SPATC1L: variants seen among roughly 807,000 people sequenced by gnomAD.
The protein encoded by SPATC1L is speriolin-like protein.
SPATC1L carries 20 observed loss-of-function variants against 21.2 expected under a neutral mutation model. The ratio of observed to expected loss-of-function variants is 0.94; its 90% confidence interval spans 0.66 to 1.37. The LOEUF is 1.37. SPATC1L is among the 40% of genes most tolerant of loss of function. SPATC1L has a pLI of 0.00. For synonymous variants in SPATC1L, 290 were observed against 234.5 expected (o/e 1.24, Z -2.16); for missense variants, 499 against 478.7 (o/e 1.04, Z -0.40).
chr21:46,171,939 GAAAA>G (rs66628257), intron 2 of SPATC1L, among the ~76,000 whole-genome samples: 19 of 67,820 alleles, frequency 2.8e-4, no homozygotes, highest in Admixed American at 5.3e-4. Flanking sequence ...ATAACCCCCA[GAAAA>G]AAAAAAAAAA....
chr21:46,174,531 G>T (rs1030168397), intron 2 of SPATC1L, among the ~76,000 whole-genome samples: 1 of 152,032 alleles, frequency 6.6e-6, no homozygotes, highest in African/African-American at 2.4e-5. Flanking sequence ...TGACAAAACA[G>T]ATTTTAAACC....
rs904478438 is a variant in SPATC1L, at chr21:46,178,966, C to T, written c.193+3658G>A. On this transcript the variant is annotated intron_variant, in intron 2 of 4. Transcript: ENST00000291672. The stretch of plus-strand genomic sequence containing the variant: ...TTTTTTAAAAATAAATCCAGCTGGA[C>T]AGTGGCTCAAGCCTGTAATCCCAAT... 3.3e-5 allele frequency among the ~76,000 whole-genome samples: 5 copies of T among 151,862 alleles called. No individual in the cohort carries two copies. The East Asian group carries it at 7.7e-4, about 23-fold the overall frequency.
chr21:46,173,929 G>A (rs1354416685), intron 2 of SPATC1L, among the ~76,000 whole-genome samples: 2 of 152,200 alleles, frequency 1.3e-5, no homozygotes, highest in South Asian at 2.1e-4. Flanking sequence ...CCCAGAGCTA[G>A]AGCATGCAGA....
intron 2 of SPATC1L, among the ~76,000 whole-genome samples, chr21:46,178,115 C>T (rs1395338237): frequency 6.6e-6 from 1 of 151,852 alleles, no homozygotes; most frequent in Non-Finnish European, 1.5e-5. Context: ...GCCTGTAATC[C>T]CAGCTACTTG....
intron 2 of SPATC1L, among the ~76,000 whole-genome samples, chr21:46,182,283 C>A (rs540754974): frequency 6.6e-6 from 1 of 152,338 alleles, no homozygotes; most frequent in African/African-American, 2.4e-5. Flanking sequence ...AACTGCCAGC[C>A]AGGACCAGCC....
Position 46,161,269 on chromosome 21 carries a change from C to A in SPATC1L, c.*110G>T. On this transcript the variant is annotated 3_prime_UTR_variant, in exon 5 of 5. Coordinates refer to ENST00000291672, the MANE Select transcript of SPATC1L (RefSeq NM_001142854.2). ...GGGAGCGGGGCCTTCTCTGGCCTCG[C>A]GCGCGGGGGACGCGGCCCTTTCCCC... is the stretch of plus-strand genomic sequence containing the variant. The A allele has an allele frequency of 1.8e-6, 2 of 1,108,376 alleles. No homozygotes were observed. The highest frequency in any genetic ancestry group is 2.4e-6 in the Non-Finnish European group (2 of 822,402). The allele number at this position is 1,108,376 out of a possible 1,614,324, so 68.7% of individuals were successfully genotyped here.
At chr21:46,178,256 AC>A (rs377411149) in intron 2 of SPATC1L, among the ~76,000 whole-genome samples, 2,143 of 147,900 alleles carry the variant, frequency 0.014, 36 homozygotes, top group Non-Finnish European at 0.021. Flanking sequence ...AAAAAAAAAA[AC>A]CAGAATGAGA....
intron 2 of SPATC1L, among the ~76,000 whole-genome samples, chr21:46,169,341 G>A (rs1360134379): frequency 8.5e-6 from 1 of 117,890 alleles, no homozygotes; most frequent in Admixed American, 7.7e-5. Context: ...AGCATCCTCT[G>A]TGGATGGGGA....
chr21:46,173,133 T>C (rs1295013615), intron 2 of SPATC1L, among the ~76,000 whole-genome samples: 1 of 152,174 alleles, frequency 6.6e-6, no homozygotes, highest in African/African-American at 2.4e-5. Context: ...ACAGGAGACT[T>C]TGGACCTAGG....
chr21:46,172,535 T>A (rs1267862012), intron 2 of SPATC1L, among the ~76,000 whole-genome samples: 1 of 152,238 alleles, frequency 6.6e-6, no homozygotes. Flanking sequence ...TCTGGGCAGA[T>A]GGGACCGTTG....
chr21:46,168,637 G>A lies in SPATC1L; in HGVS notation c.215C>T (p.Thr72Met), dbSNP rs1206125393. 1.6e-5 allele frequency: 22 copies of A among 1,383,230 alleles called. No individual in the cohort carries two copies. Among genetic ancestry groups the A allele is most frequent in the Admixed American group, 1.2e-4 (4 of 33,860 alleles). 85.7% of individuals were successfully genotyped at this position (1,383,230 alleles called of 1,614,324 possible). Residue 72 changes from threonine to methionine, a missense_variant, in exon 3 of 5, where the codon ACG becomes ATG. Transcript: ENST00000291672. ...GSGVPDFGRF[T>M]SVADTPSQLQ... ...TTGGGAGGGCGTGTCGGCAACACTC[G>A]TGAACCTTCCGAAATCTGGAACTGA...
chr21:46,181,496 A>C (rs533638479), intron 2 of SPATC1L, among the ~76,000 whole-genome samples: 1 of 152,288 alleles, frequency 6.6e-6, no homozygotes, highest in East Asian at 1.9e-4. Context: ...AGGCTTGTCC[A>C]TGGAGCTCCG....
chr21:46,181,217 C>T (rs2079670203), intron 2 of SPATC1L, among the ~76,000 whole-genome samples: 1 of 152,206 alleles, frequency 6.6e-6, no homozygotes, highest in African/African-American at 2.4e-5. Context: ...GGACCCTGCA[C>T]GTGGCCCAGC....
Position 46,168,395 on chromosome 21 carries a change from T to G in SPATC1L, c.457A>C (p.Arg153=). The part of the protein sequence containing the change: ...SLVDKTLLEP[R]EMVRPKKVCF... ...ACCTTCTTAGGCCGGACCATCTCCC[T>G]GGGCTCCAGCAGGGTCTTGTCCACC... The change falls in exon 3 of 5, where the codon AGG becomes CGG. Residue 153 remains arginine (R), a synonymous_variant. Coordinates refer to ENST00000291672, the MANE Select transcript of SPATC1L (RefSeq NM_001142854.2). The G allele has an allele frequency of 3.1e-6, 5 of 1,612,928 alleles. No homozygotes were observed. Among genetic ancestry groups the G allele is most frequent in the Non-Finnish European group, 3.4e-6 (4 of 1,179,190 alleles).
At chr21:46,176,377 GA>G (rs1368823683) in intron 2 of SPATC1L, among the ~76,000 whole-genome samples, 3 of 152,112 alleles carry the variant, frequency 2.0e-5, no homozygotes, top group Admixed American at 2.0e-4. Flanking sequence ...CTTATATCTA[GA>G]AAATCCCATA....
chr21:46,176,496 CAA>C (rs1412634855), intron 2 of SPATC1L, among the ~76,000 whole-genome samples: 1 of 152,156 alleles, frequency 6.6e-6, no homozygotes, highest in East Asian at 1.9e-4. Context: ...ACAATCAAGA[CAA>C]GAGCCAAATC....
At chr21:46,182,525 T>C in intron 2 of SPATC1L, 99 bp downstream of exon 2, 1 of 1,161,700 alleles carries the variant, frequency 8.6e-7, no homozygotes, top group Non-Finnish European at 1.2e-6. Context: ...GCCCGTGACC[T>C]CCCGCATCAG....
In SPATC1L at chr21:46,182,639, A is replaced by T. The variant is rs2123658856; in HGVS notation, c.178T>A (p.Ser60Thr). ...GGCGCCTCACCTCCGCTCCCGGGGG[A>T]GCCGGCCTCAGGGTAGGCATGCGCC... ...PRAHAYPEAG[S>T]PGSGVPDFGR... is the part of the protein sequence containing the mutation. Residue 60 changes from serine to threonine, a missense_variant, in exon 2 of 5, where the codon TCC becomes ACC. Ser to Thr is a moderately conservative substitution (Grantham distance 58). Coordinates refer to ENST00000291672, the MANE Select transcript of SPATC1L (RefSeq NM_001142854.2). 6.6e-7 allele frequency: 1 copy of T among 1,517,562 alleles called. No homozygotes were observed. The highest frequency in any genetic ancestry group is 2.0e-5 in the Admixed American group (1 of 48,828). The allele number at this position is 1,517,562 out of a possible 1,614,324, so 94.0% of individuals were successfully genotyped here.
At chr21:46,163,358 C>G (rs1362465025) in intron 3 of SPATC1L, among the ~76,000 whole-genome samples, 1 of 152,110 alleles carries the variant, frequency 6.6e-6, no homozygotes, top group Non-Finnish European at 1.5e-5. Context: ...TGATGAAGTC[C>G]AATTTGTCTG....
Sources: gnomAD v4.1 joint callset for allele counts (sites outside exome capture counted in the v4.1 genomes callset) on GRCh38, gnomAD v4.1.1 for gene constraint, MANE v1.5 for transcripts, NCBI Gene and HGNC (gene_info 2026-07-23, HGNC 2026-07-21) for gene names.